Variants in GALNT17 observed in about 807,000 individuals in gnomAD.
The protein encoded by GALNT17 is polypeptide N-acetylgalactosaminyltransferase 17.
Under a neutral mutation model 63.7 loss-of-function variants are expected in GALNT17, and 29 were observed. The ratio of observed to expected loss-of-function variants is 0.46; its 90% CI spans 0.34 to 0.62. The LOEUF (loss-of-function observed/expected upper bound fraction) is 0.62, where lower values mean the gene tolerates loss of function less well. GALNT17 is among the 20% of genes least tolerant of loss of function. The probability of loss-of-function intolerance (pLI) is 0.01; values close to 1 mark genes in which losing one functional copy is unlikely to be tolerated. For missense variants in GALNT17, 603 were observed against 799.6 expected (o/e 0.75, Z 2.97); for synonymous variants, 305 against 318.3 (o/e 0.96, Z 0.45).
intron 6 of GALNT17, among the ~76,000 whole-genome samples, chr7:71,582,936 A>G (rs1180491608): frequency 6.6e-6 from 1 of 152,210 alleles, no homozygotes; most frequent in African/African-American, 2.4e-5. Context: ...CAGGTAACCA[A>G]ACACCCCCGT....
chr7:71,150,505 G>A (rs894108518), intron 1 of GALNT17, among the ~76,000 whole-genome samples: 4 of 150,412 alleles, frequency 2.7e-5, no homozygotes, highest in Admixed American at 6.7e-5. Context: ...CTTTTTTTTC[G>A]TTTTCTTTTT....
At chr7:71,419,864 T>C (rs775535062) in intron 4 of GALNT17, among the ~76,000 whole-genome samples, 12 of 152,224 alleles carry the variant, frequency 7.9e-5, no homozygotes, top group Non-Finnish European at 1.3e-4. Context: ...TGCAGAAGTA[T>C]TGGAAGCAGG....
intron 1 of GALNT17, among the ~76,000 whole-genome samples, chr7:71,321,914 C>CCTTCCTTCCTTCCTTT (rs1791619491): frequency 6.9e-5 from 5 of 72,268 alleles, no homozygotes; most frequent in Non-Finnish European, 1.5e-4. Context: ...TTCCTTCCTT[C>CCTTCCTTCCTTCCTTT]CTTCCTTCCC....
At chr7:71,521,181 T>C (rs1788524391) in intron 5 of GALNT17, among the ~76,000 whole-genome samples, 1 of 152,194 alleles carries the variant, frequency 6.6e-6, no homozygotes, top group Non-Finnish European at 1.5e-5. Context: ...TGTACACTTC[T>C]TTGTAGCTCA....
intron 1 of GALNT17, among the ~76,000 whole-genome samples, chr7:71,173,555 T>C (rs182840580): frequency 6.6e-6 from 1 of 152,242 alleles, no homozygotes; most frequent in East Asian, 1.9e-4. Context: ...GGCAGATCAT[T>C]TGAAGTCAGG....
rs144199045 is a variant in GALNT17, at chr7:71,687,818, C to T, written c.1500+10512C>T. 1.8e-4 allele frequency among the ~76,000 whole-genome samples: 27 copies of T among 152,282 alleles called. No individual in the cohort carries two copies. In the East Asian group the frequency reaches 4.6e-3, roughly 26 times the overall value. ...CGGTGGTGCAGTCAGCTCACTGCAACCTCAATCTCCCAGACTACAGGTGCA... is the reference window on the plus strand; with the variant it reads ...CGGTGGTGCAGTCAGCTCACTGCAATCTCAATCTCCCAGACTACAGGTGCA... On this transcript the variant is annotated intron_variant, in intron 9 of 10. Transcript: ENST00000333538.
intron 6 of GALNT17, among the ~76,000 whole-genome samples, chr7:71,575,482 G>T (rs1456127532): frequency 6.6e-6 from 1 of 151,388 alleles, no homozygotes; most frequent in Non-Finnish European, 1.5e-5. Flanking sequence ...CTCCGCCCTC[G>T]AGTTCACGCC....
intron 6 of GALNT17, among the ~76,000 whole-genome samples, chr7:71,586,980 A>G (rs907904466): frequency 2.0e-5 from 3 of 152,116 alleles, no homozygotes; most frequent in African/African-American, 7.2e-5. Context: ...GTATGTTTGT[A>G]TCCATTAATC....
intron 9 of GALNT17, among the ~76,000 whole-genome samples, chr7:71,691,716 TTAG>T (rs1791445245): frequency 6.6e-6 from 1 of 152,192 alleles, no homozygotes; most frequent in African/African-American, 2.4e-5. Flanking sequence ...TGTGCTCATG[TTAG>T]GCTTGGAATA....
At chr7:71,625,859 G>A (rs769948000) in intron 6 of GALNT17, among the ~76,000 whole-genome samples, 6 of 152,112 alleles carry the variant, frequency 3.9e-5, no homozygotes, top group Non-Finnish European at 7.4e-5. Flanking sequence ...CTCCACATTT[G>A]ACTGTATTTG....
chr7:71,521,569 G>A (rs1489721856), intron 5 of GALNT17, among the ~76,000 whole-genome samples: 1 of 152,234 alleles, frequency 6.6e-6, no homozygotes, highest in African/African-American at 2.4e-5. Context: ...AAGGACTGCA[G>A]TGAAATCAGA....
At chr7:71,343,244 C>T (rs961327496) in intron 2 of GALNT17, among the ~76,000 whole-genome samples, 1 of 152,184 alleles carries the variant, frequency 6.6e-6, no homozygotes, top group Non-Finnish European at 1.5e-5. Flanking sequence ...TTTCCTTCCT[C>T]CAGAGAAATT....
chr7:71,509,764 C>T (rs945777355), intron 5 of GALNT17, among the ~76,000 whole-genome samples: 4 of 152,098 alleles, frequency 2.6e-5, no homozygotes, highest in African/African-American at 7.2e-5. Flanking sequence ...GAGATGGAGG[C>T]TTAATTGGGT....
intron 5 of GALNT17, among the ~76,000 whole-genome samples, chr7:71,532,877 C>T (rs1487106782): frequency 6.6e-6 from 1 of 152,060 alleles, no homozygotes; most frequent in East Asian, 1.9e-4. Context: ...CATTGCCTTC[C>T]TAGGACCACC....
chr7:71,504,751 T>C (rs1340947125), intron 5 of GALNT17, among the ~76,000 whole-genome samples: 1 of 152,192 alleles, frequency 6.6e-6, no homozygotes, highest in African/African-American at 2.4e-5. Context: ...AGTTTACTTA[T>C]TGGGCCTGGC....
chr7:71,180,878 A>G (rs1788722084), intron 1 of GALNT17, among the ~76,000 whole-genome samples: 1 of 152,174 alleles, frequency 6.6e-6, no homozygotes, highest in African/African-American at 2.4e-5. Context: ...AGGTGTGACA[A>G]GCTAGGTATT....
At chr7:71,215,889 A>G (rs1013416175) in intron 1 of GALNT17, among the ~76,000 whole-genome samples, 1 of 152,166 alleles carries the variant, frequency 6.6e-6, no homozygotes, top group African/African-American at 2.4e-5. Context: ...GATATTTTGC[A>G]TATTAGAAAT....
Position 71,193,663 on chromosome 7 carries a change from G to T in GALNT17, c.238+60623G>T, listed in dbSNP as rs146224732. On this transcript the variant is annotated intron_variant, in intron 1 of 10. Transcript: ENST00000333538. ...CCTGCCATATGGCTGATTCTCTCCTGGGGGGAAGATTGAGAAAATAGACCC... is the reference window on the plus strand; with the variant it reads ...CCTGCCATATGGCTGATTCTCTCCTTGGGGGAAGATTGAGAAAATAGACCC... Among the ~76,000 whole-genome samples the T allele has an allele frequency of 6.5e-3, 986 of 151,894 alleles. 13 individuals carry two copies. Among genetic ancestry groups the T allele is most frequent in the African/African-American group, 0.023 (933 of 41,438 alleles).
intron 2 of GALNT17, among the ~76,000 whole-genome samples, chr7:71,371,997 G>A (rs1401119221): frequency 5.3e-5 from 8 of 152,010 alleles, no homozygotes; most frequent in East Asian, 3.9e-4. Flanking sequence ...ATTATGTTGT[G>A]TGTGACAGGG....
Sources: allele counts gnomAD v4.1 joint callset (sites outside exome capture counted in the v4.1 genomes callset), GRCh38; gene constraint gnomAD v4.1.1; transcripts MANE v1.5; gene names NCBI Gene and HGNC (gene_info 2026-07-23, HGNC 2026-07-21).